TET3: variants seen among roughly 807,000 people sequenced by gnomAD.
TET3 encodes tet methylcytosine dioxygenase 3.
TET3 carries 19 observed loss-of-function variants against 141.4 expected under a neutral mutation model. That is an observed-to-expected ratio of 0.13 (90% CI 0.09 to 0.20). The LOEUF is 0.20. Ranked by LOEUF, TET3 falls within the 10% of genes least tolerant of loss-of-function variation. The pLI is 1.00. For missense variants in TET3, 1,874 were observed against 2,356.9 expected (o/e 0.80, Z 4.24); for synonymous variants, 1,043 against 980.9 (o/e 1.06, Z -1.18).
intron 3 of TET3, among the ~76,000 whole-genome samples, chr2:74,015,995 A>G (rs898717585): frequency 2.0e-5 from 3 of 151,966 alleles, no homozygotes; most frequent in African/African-American, 7.3e-5. Context: ...TTACTCTTAG[A>G]TTGTCTTTTT....
At chr2:74,012,150 A>G (rs1685468255) in intron 3 of TET3, among the ~76,000 whole-genome samples, 1 of 151,986 alleles carries the variant, frequency 6.6e-6, no homozygotes, top group Non-Finnish European at 1.5e-5. Flanking sequence ...TTGTAGAGAC[A>G]GGGTTTTACC....
intron 11 of TET3, among the ~76,000 whole-genome samples, 193 bp downstream of exon 11, chr2:74,099,805 A>T (rs1367670485): frequency 2.6e-5 from 4 of 152,140 alleles, no homozygotes; most frequent in Non-Finnish European, 5.9e-5. Context: ...AGGACTTGTT[A>T]TCTGCGTGGA....
intron 7 of TET3, among the ~76,000 whole-genome samples, chr2:74,089,099 A>G (rs1267956655): frequency 6.6e-6 from 1 of 151,692 alleles, no homozygotes; most frequent in East Asian, 1.9e-4. Context: ...AAAAAAAAAA[A>G]AAAAAGACAT....
intron 3 of TET3, among the ~76,000 whole-genome samples, chr2:74,023,797 T>C (rs973053223): frequency 3.3e-5 from 5 of 152,256 alleles, no homozygotes; most frequent in Non-Finnish European, 2.9e-5. Flanking sequence ...GTTATATTCC[T>C]TTTATATTTC....
At chr2:74,048,506 A>G (rs1428516932) in intron 4 of TET3, 95 bp downstream of exon 4, 22 of 1,327,660 alleles carry the variant, frequency 1.7e-5, no homozygotes, top group Non-Finnish European at 1.7e-5. Flanking sequence ...GCAAACATTT[A>G]TTTGTGCCAA....
chr2:74,096,909 C>T (rs570525162), intron 10 of TET3, among the ~76,000 whole-genome samples: 6 of 151,476 alleles, frequency 4.0e-5, no homozygotes, highest in East Asian at 1.9e-4. Context: ...CTGAGGAATA[C>T]GGCAAAACCC....
At chr2:74,119,277 G>C in the TET3 span, among the ~76,000 whole-genome samples, 4 of 150,908 alleles carry the variant, frequency 2.7e-5, no homozygotes, top group African/African-American at 9.8e-5. Context: ...TGCTTGAACC[G>C]GGGAGGCGGA....
At chr2:74,007,214 T>A (rs1685196312) in intron 3 of TET3, among the ~76,000 whole-genome samples, 1 of 152,258 alleles carries the variant, frequency 6.6e-6, no homozygotes, top group Non-Finnish European at 1.5e-5. Context: ...TTCAGCGTTG[T>A]GTTTGGGGCT....
intron 3 of TET3, among the ~76,000 whole-genome samples, chr2:74,029,661 T>G (rs1686563901): frequency 6.6e-6 from 1 of 152,226 alleles, no homozygotes; most frequent in South Asian, 2.1e-4. Flanking sequence ...GATTTTTACA[T>G]CTTTTTTATT....
chr2:74,061,967 T>C (rs1358256789), intron 4 of TET3, among the ~76,000 whole-genome samples: 1 of 142,388 alleles, frequency 7.0e-6, no homozygotes, highest in Non-Finnish European at 1.5e-5. Context: ...GCTCCTCACG[T>C]CCCAGACAAT....
chr2:74,016,469 A>C (rs10168408), intron 3 of TET3, among the ~76,000 whole-genome samples: 59,803 of 152,090 alleles, frequency 0.39, 14,873 homozygotes, highest in African/African-American at 0.71. Context: ...CACCTGTAAT[A>C]CTAGCACTTT....
Position 74,052,696 on chromosome 2 carries a change from C to T in TET3, c.2494+4285C>T, listed in dbSNP as rs374458535. 2.0e-5 allele frequency among the ~76,000 whole-genome samples: 3 copies of T among 151,860 alleles called. No homozygotes were observed. In the East Asian group the frequency reaches 5.8e-4, roughly 29 times the overall value. ...ACCACCCTGGCCAGTATGGTGAAAC[C>T]CTATCTCTACTAAAAATACAAAAAT... On this transcript the variant is annotated intron_variant, in intron 4 of 11. Transcript: ENST00000409262.
rs981906309 is a variant in TET3 at position 73,984,930 on chromosome 2, T to TTGCTGCTGC, written c.-645_-637dup. On this transcript the variant is annotated 5_prime_UTR_variant, in exon 1 of 12. Transcript: ENST00000409262. This position sits in a 1 kb window ranked among gnomAD's most constrained non-coding sequence, Gnocchi z 5.6. Reference sequence around the variant, plus strand: ...GCGGGGAGTCCCGCGGACGCCTTCATTGCTGCTGCTGCTGCCGCCGCGGCC... The same window carrying TTGCTGCTGC: ...GCGGGGAGTCCCGCGGACGCCTTCATTGCTGCTGCTGCTGCTGCTGCTGCCGCCGCGGCC... 4.1e-5 allele frequency among the ~76,000 whole-genome samples: 6 copies of TTGCTGCTGC among 145,522 alleles called. No individual in the cohort carries two copies. The highest frequency in any genetic ancestry group is 2.1e-4 in the South Asian group (1 of 4,706).
At chr2:74,061,855 C>G (rs1396653731) in intron 4 of TET3, among the ~76,000 whole-genome samples, 19 of 140,102 alleles carry the variant, frequency 1.4e-4, no homozygotes, top group Non-Finnish European at 2.5e-4. Context: ...TCACTTCCTA[C>G]ATGGGATGGC....
chr2:74,071,416 A>G (rs1689196307), intron 4 of TET3, among the ~76,000 whole-genome samples: 1 of 152,232 alleles, frequency 6.6e-6, no homozygotes, highest in South Asian at 2.1e-4. Context: ...ATTTCGCCTA[A>G]GGATCAGCAA....
rs1030657258 is a variant in TET3, at chr2:73,986,038, C to T, written c.-366C>T. 1 of 189,180 alleles carries T rather than the reference C, an allele frequency of 5.3e-6. No homozygotes were observed. Among genetic ancestry groups the T allele is most frequent in the Admixed American group, 6.1e-5 (1 of 16,316 alleles). The allele number at this position is 189,180 out of a possible 1,614,324, so 11.7% of individuals were successfully genotyped here. On this transcript the variant is annotated 5_prime_UTR_variant, in exon 2 of 12. Transcript: ENST00000409262. Reference sequence around the variant, plus strand: ...AGGAAAAATACCAGGAGAAACTGCTCACTCAGCTCTGCCCCCACCACACCC... The same window carrying T: ...AGGAAAAATACCAGGAGAAACTGCTTACTCAGCTCTGCCCCCACCACACCC...
intron 5 of TET3, among the ~76,000 whole-genome samples, chr2:74,075,320 C>CTTTTTTTTT (rs971111434): frequency 1.1e-5 from 1 of 89,082 alleles, no homozygotes; most frequent in Non-Finnish European, 2.3e-5. Flanking sequence ...GAGCCAAATA[C>CTTTTTTTTT]TTTTTTTTTT....
intron 2 of TET3, among the ~76,000 whole-genome samples, chr2:73,992,631 TAGAGAC>T (rs1169231012): frequency 6.6e-6 from 1 of 152,142 alleles, no homozygotes; most frequent in Non-Finnish European, 1.5e-5. Flanking sequence ...TTTTTTTAAA[TAGAGAC>T]AGAGTGTCGC....
chr2:74,099,988 G>T (rs761598654), intron 11 of TET3, among the ~76,000 whole-genome samples: 2 of 152,180 alleles, frequency 1.3e-5, no homozygotes, highest in Non-Finnish European at 2.9e-5. Flanking sequence ...GGGCGGAGAC[G>T]GTTGCTGGCA....
Sources: allele counts gnomAD v4.1 joint callset (sites outside exome capture counted in the v4.1 genomes callset), GRCh38; gene constraint gnomAD v4.1.1; non-coding constraint Gnocchi (gnomAD v3.1); transcripts MANE v1.5; gene names NCBI Gene and HGNC (gene_info 2026-07-23, HGNC 2026-07-21).